The following CHRNB1 variants were observed in gnomAD, a reference collection of about 807,000 sequenced individuals.
The protein encoded by CHRNB1 is cholinergic receptor nicotinic beta 1 subunit, also known as acetylcholine receptor subunit beta.
In CHRNB1, 47 loss-of-function variants were observed where a neutral mutation model predicts 53.8. The ratio of observed to expected loss-of-function variants is 0.87; its 90% CI spans 0.69 to 1.11. CHRNB1 has a LOEUF of 1.11. CHRNB1 is among the 50% of genes most tolerant of loss of function. The pLI, the probability that CHRNB1 is intolerant of heterozygous loss-of-function variation, is 0.00. For missense variants in CHRNB1, 605 were observed against 654.9 expected (o/e 0.92, Z 0.83); for synonymous variants, 259 against 263.5 (o/e 0.98, Z 0.16).
Position 7,454,583 on chromosome 17 carries a change from C to G in CHRNB1, c.1044+63C>G, listed in dbSNP as rs1052747193. The G allele has an allele frequency of 3.7e-6, 5 of 1,338,508 alleles. No individual in the cohort carries two copies. In the East Asian group the frequency reaches 1.1e-4, roughly 31 times the overall value. The allele number at this position is 1,338,508 out of a possible 1,614,324, so 82.9% of individuals were successfully genotyped here. On this transcript the variant is annotated intron_variant, in intron 8 of 10. Transcript: ENST00000306071. ...TTACAGACCATAGGGAGAACTATAG[C>G]TATGTGGCAGAGTGTTGAAGTGTCC... is the stretch of plus-strand genomic sequence containing the variant.
chr17:7,453,120 C>T (rs1419218675), intron 7 of CHRNB1, among the ~76,000 whole-genome samples: 1 of 152,054 alleles, frequency 6.6e-6, no homozygotes, highest in Non-Finnish European at 1.5e-5. Flanking sequence ...TATTTTGTTT[C>T]TGCTTTTGTT....
chr17:7,456,513 C>G, intron 10 of CHRNB1, 70 bp from the exon 11 acceptor site: 1 of 1,600,180 alleles, frequency 6.2e-7, no homozygotes, highest in Non-Finnish European at 8.5e-7. Context: ...GGGTAGCGGG[C>G]GGGGAAATGG....
Position 7,456,858 on chromosome 17 carries a change from A to T in CHRNB1, c.*135A>T. 4.2e-6 allele frequency: 5 copies of T among 1,198,384 alleles called. No individual in the cohort carries two copies. Among genetic ancestry groups the T allele is most frequent in the Admixed American group, 2.0e-5 (1 of 50,266 alleles). 74.2% of individuals were successfully genotyped at this position (1,198,384 alleles called of 1,614,324 possible). A position where few individuals can be genotyped will look rare whatever the true frequency, so the allele number is the denominator to read the frequency against. ...CTCTTATTTCGTTTCTGGGGACTGC[A>T]TTGGACTGAGGGCTGGGTAGGCAGG... On this transcript the variant is annotated 3_prime_UTR_variant, in exon 11 of 11. Coordinates refer to ENST00000306071, the MANE Select transcript of CHRNB1 (RefSeq NM_000747.3).
chr17:7,454,535 C>T lies in CHRNB1; in HGVS notation c.1044+15C>T, dbSNP rs1909003632. On this transcript the variant is annotated intron_variant, in intron 8 of 10. Coordinates refer to ENST00000306071, the MANE Select transcript of CHRNB1 (RefSeq NM_000747.3). ...GGGTCCGTCAGGTAAGAAAGATCTCCTCCTCCAACCCCAATTTTCCTTTTA... is the reference window on the plus strand; with the variant it reads ...GGGTCCGTCAGGTAAGAAAGATCTCTTCCTCCAACCCCAATTTTCCTTTTA... The T allele has an allele frequency of 1.2e-6, 2 of 1,603,814 alleles. No homozygotes were observed. Among genetic ancestry groups the T allele is most frequent in the African/African-American group, 2.7e-5 (2 of 74,688 alleles).
At position 7,456,032 on chromosome 17, in the gene CHRNB1, G is replaced by A. The variant is rs1033527822; in HGVS notation, c.1365+91G>A. On this transcript the variant is annotated intron_variant, in intron 10 of 10. Coordinates refer to ENST00000306071, the MANE Select transcript of CHRNB1 (RefSeq NM_000747.3). Reference sequence around the variant, plus strand: ...ACCAGCACTCGCTTTCGTTTTTTTTGTGTGGTTTTTTTTTGGCTTTTTTTT... The same window carrying A: ...ACCAGCACTCGCTTTCGTTTTTTTTATGTGGTTTTTTTTTGGCTTTTTTTT... The A allele has an allele frequency of 8.5e-6, 8 of 945,370 alleles. No homozygotes were observed. The Admixed American group carries it at 1.4e-4, about 17-fold the overall frequency. The allele number at this position is 945,370 out of a possible 1,614,324, so 58.6% of individuals were successfully genotyped here.
rs779033360 is a variant in CHRNB1 at position 7,447,010 on chromosome 17, G to A, written c.354-33G>A. ...GGGGGCGGGGGGCCTCCGGGCGCGG[G>A]GCCTGATCCCTGATGAGATCCCTTC... On this transcript the variant is annotated intron_variant, in intron 4 of 10. Coordinates refer to ENST00000306071, the MANE Select transcript of CHRNB1 (RefSeq NM_000747.3). The A allele has an allele frequency of 3.7e-6, 6 of 1,611,658 alleles. No homozygotes were observed. The South Asian group carries it at 5.5e-5, about 15-fold the overall frequency.
At chr17:7,452,610 C>T (rs957366199) in intron 7 of CHRNB1, among the ~76,000 whole-genome samples, 4 of 152,204 alleles carry the variant, frequency 2.6e-5, no homozygotes, top group African/African-American at 9.7e-5. Flanking sequence ...GTCAGTTTAC[C>T]ATTGCCATGG....
In CHRNB1 at chr17:7,457,015, T is replaced by C. The variant is rs2069959376; in HGVS notation, c.*292T>C. On this transcript the variant is annotated 3_prime_UTR_variant, in exon 11 of 11. Transcript: ENST00000306071. ...AACAGGAACTAGATTATAAGCCTTA[T>C]GAGGTCAAGAAATGTGACTTGGCCG... The C allele has an allele frequency of 2.4e-6, 1 of 419,968 alleles. No homozygotes were observed. The highest frequency in any genetic ancestry group is 2.0e-5 in the African/African-American group (1 of 49,494). The allele number at this position is 419,968 out of a possible 1,614,324, so 26.0% of individuals were successfully genotyped here.
chr17:7,454,379 C>G lies in CHRNB1; in HGVS notation c.903C>G (p.Thr301=). 1.2e-6 allele frequency: 2 copies of G among 1,614,144 alleles called. No homozygotes were observed. The highest frequency in any genetic ancestry group is 1.7e-6 in the Non-Finnish European group (2 of 1,180,010). The change falls in exon 8 of 11, where the codon ACC becomes ACG. Residue 301 remains threonine (T), a synonymous_variant. Transcript: ENST00000306071. ...TGCTGGCTGACAAAGTACCTGAGAC[C>G]TCACTATCAGTACCCATTATTATCA... ...LLLLADKVPE[T]SLSVPIIIKY... is the part of the protein sequence containing the mutation.
At chr17:7,452,057 CTTT>C (rs34297883) in intron 7 of CHRNB1, among the ~76,000 whole-genome samples, 15 of 138,822 alleles carry the variant, frequency 1.1e-4, no homozygotes, top group Non-Finnish European at 7.8e-5. Context: ...TTTCCTTTTT[CTTT>C]TTTTTTTTTT....
At chr17:7,446,805 G>A in intron 3 of CHRNB1, 28 bp from the exon 4 acceptor site, 5 of 1,587,594 alleles carry the variant, frequency 3.1e-6, no homozygotes, top group Non-Finnish European at 4.3e-6. Context: ...TCCAACCCGG[G>A]GCAGCCCCTC....
At chr17:7,455,136 T>A (rs1045734805) in intron 8 of CHRNB1, 148 bp from the exon 9 acceptor site, 1 of 897,766 alleles carries the variant, frequency 1.1e-6, no homozygotes, top group African/African-American at 1.6e-5. Flanking sequence ...TCTGTGTGGC[T>A]GCATTTCCTT....
chr17:7,448,024 G>A (rs12937628), intron 6 of CHRNB1, among the ~76,000 whole-genome samples: 1 of 132,000 alleles, frequency 7.6e-6, no homozygotes, highest in East Asian at 2.2e-4. Context: ...GCGGTGAGCC[G>A]AGATGGCGCC....
In CHRNB1 at chr17:7,455,638, T is replaced by C. The variant is rs887277736; in HGVS notation, c.1218-156T>C. 1.4e-5 allele frequency: 18 copies of C among 1,251,102 alleles called. No individual in the cohort carries two copies. The South Asian group carries it at 1.7e-4, about 12-fold the overall frequency. The allele number at this position is 1,251,102 out of a possible 1,614,324, so 77.5% of individuals were successfully genotyped here. On this transcript the variant is annotated intron_variant, in intron 9 of 10. Transcript: ENST00000306071. ...ACTAAAACAGAGGCGGTGGAAGAAG[T>C]TGCACAAGGCTAGAGAGATCACTGC...
intron 7 of CHRNB1, among the ~76,000 whole-genome samples, chr17:7,451,926 GC>G (rs1394352280): frequency 6.6e-6 from 1 of 152,170 alleles, no homozygotes; most frequent in Non-Finnish European, 1.5e-5. Flanking sequence ...CCCACACCAG[GC>G]TGTCCTAGAG....
rs547533724 is a variant in CHRNB1, at chr17:7,456,881, A to C, written c.*158A>C. 1.1e-6 allele frequency: 1 copy of C among 945,142 alleles called. No homozygotes were observed. The highest frequency in any genetic ancestry group is 2.6e-5 in the East Asian group (1 of 38,032). 58.5% of individuals were successfully genotyped at this position (945,142 alleles called of 1,614,324 possible). A position where few individuals can be genotyped will look rare whatever the true frequency, so the allele number is the denominator to read the frequency against. On this transcript the variant is annotated 3_prime_UTR_variant, in exon 11 of 11. Transcript: ENST00000306071. ...GCATTGGACTGAGGGCTGGGTAGGC[A>C]GGTGTCTTGGACCCACCTGAAATGC...
Position 7,455,446 on chromosome 17 carries a change from A to G in CHRNB1, c.1207A>G (p.Lys403Glu). The G allele has an allele frequency of 6.2e-7, 1 of 1,614,134 alleles. No individual in the cohort carries two copies. Among genetic ancestry groups the G allele is most frequent in the Non-Finnish European group, 8.5e-7 (1 of 1,180,020 alleles). Residue 403 changes from lysine to glutamate, a missense_variant, in exon 9 of 11, where the codon AAA becomes GAA. Lys to Glu is a moderately conservative substitution (Grantham distance 56, BLOSUM62 1). Transcript: ENST00000306071. ...GCCGCCAAGTGATTTTCTCTTCCCC[A>G]AACCCAATAGGTAGGACTACGCCCG... is the stretch of plus-strand genomic sequence containing the variant. ...RKPPSDFLFP[K>E]PNRFQPELSA... is the part of the protein sequence containing the mutation.
In CHRNB1 at chr17:7,448,655, A is replaced by AT. The variant is rs1908762801; in HGVS notation, c.687_688insT (p.Gly230TrpfsTer67). The AT allele has an allele frequency of 6.2e-7, 1 of 1,614,112 alleles. No individual in the cohort carries two copies. Among genetic ancestry groups the AT allele is most frequent in the Non-Finnish European group, 8.5e-7 (1 of 1,180,014 alleles). On this transcript the variant is annotated frameshift_variant, in exon 7 of 11. Coordinates refer to ENST00000306071, the MANE Select transcript of CHRNB1 (RefSeq NM_000747.3). LOFTEE classifies it high-confidence loss of function. ...CAGGCGATCCTAGGGGAGGGAGGGA[A>AT]GGACAGCGCCAGGAAGTCATCTTCT...
At position 7,447,060 on chromosome 17, in the gene CHRNB1, A is replaced by T. The variant is rs761442846; in HGVS notation, c.371A>T (p.Asp124Val). 2 of 1,614,126 alleles carry T rather than the reference A, an allele frequency of 1.2e-6. No individual in the cohort carries two copies. Among genetic ancestry groups the T allele is most frequent in the Non-Finnish European group, 1.7e-6 (2 of 1,179,984 alleles). Residue 124 changes from aspartate (D) to valine (V), a missense_variant, in exon 5 of 11, where the codon GAC (aspartate) becomes GTC (valine). By Grantham distance (152) the Asp-to-Val change is radical (BLOSUM62 -3). Coordinates refer to ENST00000306071, the MANE Select transcript of CHRNB1 (RefSeq NM_000747.3). ...VLLNNNDGNF[D>V]VALDISVVVS... ...CTCTGCAGCAATGATGGGAATTTTGACGTGGCTCTGGACATTAGCGTCGTG... is the reference window on the plus strand; with the variant it reads ...CTCTGCAGCAATGATGGGAATTTTGTCGTGGCTCTGGACATTAGCGTCGTG...
Sources: gnomAD v4.1 joint callset for allele counts (sites outside exome capture counted in the v4.1 genomes callset) on GRCh38, gnomAD v4.1.1 for gene constraint, MANE v1.5 for transcripts, NCBI Gene and HGNC (gene_info 2026-07-23, HGNC 2026-07-21) for gene names.